The following SYNE2 variants were observed in gnomAD, a reference collection of about 807,000 sequenced individuals.
The protein encoded by SYNE2 is nesprin-2.
SYNE2 carries 431 observed loss-of-function variants against 856.3 expected under a neutral mutation model. The observed-to-expected ratio is 0.50, with a 90% CI of 0.47 to 0.55. SYNE2 has a LOEUF of 0.55. Ranked by LOEUF, SYNE2 falls within the 20% of genes least tolerant of loss-of-function variation. The pLI is 0.00. For missense variants in SYNE2, 8,129 were observed against 8,023.2 expected (o/e 1.01, Z -0.50); for synonymous variants, 2,923 against 2,872.3 (o/e 1.02, Z -0.56).
intron 8 of SYNE2, among the ~76,000 whole-genome samples, chr14:63,960,362 C>T (rs890373211): frequency 2.0e-5 from 3 of 152,120 alleles, no homozygotes; most frequent in Non-Finnish European, 4.4e-5. Flanking sequence ...CACTAAAGCA[C>T]GCATGGTGTG....
intron 51 of SYNE2, among the ~76,000 whole-genome samples, chr14:64,066,830 A>T (rs959797692): frequency 3.3e-5 from 5 of 152,098 alleles, no homozygotes; most frequent in Admixed American, 6.5e-5. Flanking sequence ...CATTTTATCG[A>T]TGGGGAAACT....
At chr14:64,026,524 G>A (rs2096980207) in intron 41 of SYNE2, 55 bp from the exon 42 acceptor site, 15 of 1,317,714 alleles carry the variant, frequency 1.1e-5, no homozygotes, top group Non-Finnish European at 1.5e-5. Context: ...GAGATAGCAT[G>A]TAGTATCTCT....
chr14:64,139,920 C>G (rs370881852), intron 79 of SYNE2, 21 bp from the exon 80 acceptor site: 3 of 1,613,708 alleles, frequency 1.9e-6, no homozygotes, highest in Non-Finnish European at 8.5e-7. Context: ...TCTGCCTTCT[C>G]TCTCACTTTG....
In SYNE2 at chr14:64,173,808, C is replaced by A. The variant is rs891004927; in HGVS notation, c.17236-1136C>A. 102 of 556,870 alleles carry A rather than the reference C, an allele frequency of 1.8e-4. No homozygotes were observed. In the East Asian group the frequency reaches 3.0e-3, roughly 16 times the overall value. The allele number at this position is 556,870 out of a possible 1,614,324, so 34.5% of individuals were successfully genotyped here. On this transcript the variant is annotated intron_variant, in intron 94 of 115. Transcript: ENST00000555002. ...AGACAAAAACTATTTAATTTTTCCTCTAAAACCAAATGCCTTTGGGAGTAT... is the reference window on the plus strand; with the variant it reads ...AGACAAAAACTATTTAATTTTTCCTATAAAACCAAATGCCTTTGGGAGTAT...
At chr14:64,059,007 ATTCT>A (rs1018344136) in intron 49 of SYNE2, among the ~76,000 whole-genome samples, 10 of 151,828 alleles carry the variant, frequency 6.6e-5, no homozygotes, top group Non-Finnish European at 1.0e-4. Context: ...TTTCTACTTG[ATTCT>A]TTCTAATTAT....
At chr14:64,125,263 G>A (rs2097932379) in intron 71 of SYNE2, 53 bp downstream of exon 71, 1 of 1,609,934 alleles carries the variant, frequency 6.2e-7, no homozygotes, top group Non-Finnish European at 8.5e-7. Flanking sequence ...AAACAAAGGA[G>A]ATATCATCAT....
chr14:63,994,057 T>C, intron 22 of SYNE2, 88 bp downstream of exon 22: 1 of 1,371,926 alleles, frequency 7.3e-7, no homozygotes, highest in Non-Finnish European at 1.0e-6. Flanking sequence ...GGGGTTTTCC[T>C]GTCTACGTTG....
Position 64,027,511 on chromosome 14 carries a change from A to G in SYNE2, c.6432A>G (p.Gly2144=). The part of the protein sequence containing the change: ...LSHQEKLLLE[G]EKYLQSKEDL... ...ATCAAGAAAAGCTTCTACTAGAAGG[A>G]GAGAAATATTTACAAAGTAAGGAGG... is the stretch of plus-strand genomic sequence containing the variant. Residue 2144 remains glycine, a synonymous_variant, in exon 43 of 116, where the codon GGA becomes GGG. Transcript: ENST00000555002. 6.2e-7 allele frequency: 1 copy of G among 1,600,406 alleles called. No homozygotes were observed. Among genetic ancestry groups the G allele is most frequent in the Non-Finnish European group, 8.5e-7 (1 of 1,174,718 alleles).
intron 85 of SYNE2, among the ~76,000 whole-genome samples, chr14:64,157,881 G>A (rs957080291): frequency 6.6e-6 from 1 of 152,014 alleles, no homozygotes; most frequent in Non-Finnish European, 1.5e-5. Context: ...TATGTTCTTT[G>A]GGGAAATGTT....
chr14:63,798,363 C>T (rs1050947125), intron 1 of SYNE2, among the ~76,000 whole-genome samples: 2 of 150,220 alleles, frequency 1.3e-5, no homozygotes, highest in Non-Finnish European at 3.0e-5. Context: ...TTGCATACGT[C>T]TTATCTAGAA....
rs541983362 is a variant in SYNE2, at chr14:63,811,357, G to C, written c.-304-41144G>C. Among the ~76,000 whole-genome samples the C allele has an allele frequency of 2.6e-5, 4 of 152,148 alleles. No individual in the cohort carries two copies. In the East Asian group the frequency reaches 7.7e-4, roughly 29 times the overall value. On this transcript the variant is annotated intron_variant, in intron 1 of 23. Transcript: ENST00000674003. ...TGCAGCCTTGACCACCTGGGCTCAA[G>C]TGATCCCTCTGCCTAAGCCTCCTGA...
At chr14:63,994,896 C>A (rs2096700646) in intron 22 of SYNE2, 148 bp from the exon 23 acceptor site, 2 of 495,956 alleles carry the variant, frequency 4.0e-6, no homozygotes, top group Non-Finnish European at 6.9e-6. Flanking sequence ...TTTAAAACAT[C>A]TCCCCCCAAA....
At chr14:64,013,323 A>ATTTTTTTTTTT (rs57074861) in intron 32 of SYNE2, among the ~76,000 whole-genome samples, 1 of 136,280 alleles carries the variant, frequency 7.3e-6, no homozygotes, top group Non-Finnish European at 1.6e-5. Context: ...TCCTCATTAA[A>ATTTTTTTTTTT]TTTTTTTTTT....
chr14:64,030,815 G>A (rs1292841842), intron 44 of SYNE2, among the ~76,000 whole-genome samples: 4 of 152,260 alleles, frequency 2.6e-5, no homozygotes, highest in African/African-American at 9.6e-5. Context: ...AAACATTTTA[G>A]TATCTTAAAA....
chr14:64,047,757 G>A (rs970144747), intron 45 of SYNE2, among the ~76,000 whole-genome samples: 7 of 152,026 alleles, frequency 4.6e-5, no homozygotes, highest in African/African-American at 1.7e-4. Flanking sequence ...TATAGATTTT[G>A]CTTCAGTATA....
intron 64 of SYNE2, 55 bp downstream of exon 64, chr14:64,102,097 A>G (rs1595532168): frequency 7.9e-7 from 1 of 1,269,624 alleles, no homozygotes; most frequent in South Asian, 1.2e-5. Context: ...AGGGGGGAGC[A>G]GGGATCTCTT....
In SYNE2 at chr14:64,220,595, C is replaced by T. The variant is rs763258715; in HGVS notation, c.20019C>T (p.Asp6673=). ...GGGAAGCAGCACAGGGCGCAGTGGACAGCTGGAGAGGGGGCTTACGACAGT... is the reference window on the plus strand; with the variant it reads ...GGGAAGCAGCACAGGGCGCAGTGGATAGCTGGAGAGGGGGCTTACGACAGT... ...LLWEAAQGAV[D]SWRGGLRQSL... Residue 6673 remains aspartate, a synonymous_variant, in exon 111 of 116, where the codon GAC becomes GAT. Transcript: ENST00000555002. 3.1e-6 allele frequency: 5 copies of T among 1,614,058 alleles called. No homozygotes were observed. The Admixed American group carries it at 5.0e-5, about 16-fold the overall frequency.
At chr14:64,126,562 G>C in intron 72 of SYNE2, 36 bp from the exon 73 acceptor site, 1 of 1,614,196 alleles carries the variant, frequency 6.2e-7, no homozygotes, top group Non-Finnish European at 8.5e-7. Context: ...CTTGAGGTCA[G>C]AGCTCATTCA....
At chr14:64,113,644 T>C in intron 66 of SYNE2, 73 bp downstream of exon 66, 1 of 1,452,338 alleles carries the variant, frequency 6.9e-7, no homozygotes, top group South Asian at 1.2e-5. Context: ...GAATTTCTCT[T>C]AAAGCAACAC....
Sources: gnomAD v4.1 joint callset for allele counts (sites outside exome capture counted in the v4.1 genomes callset) on GRCh38, gnomAD v4.1.1 for gene constraint, MANE v1.5 for transcripts, NCBI Gene and HGNC (gene_info 2026-07-23, HGNC 2026-07-21) for gene names.